Variants in INPP5F observed in about 807,000 individuals in gnomAD.
INPP5F encodes inositol polyphosphate-5-phosphatase F.
A neutral mutation model predicts 137.2 loss-of-function variants in INPP5F; 97 were observed. The observed-to-expected ratio is 0.71, with a 90% confidence interval of 0.60 to 0.84. The LOEUF is 0.84. INPP5F is among the 40% of genes least tolerant of loss of function. The probability of loss-of-function intolerance (pLI) is 0.00; values close to 1 mark genes in which losing one functional copy is unlikely to be tolerated. For synonymous variants in INPP5F, 504 were observed against 476.9 expected, an observed-to-expected ratio of 1.06 and a Z score of -0.74; for missense variants, 1,271 against 1,371.9, an observed-to-expected ratio of 0.93 and a Z score of 1.16.
At chr10:119,767,107 G>GAAAAAAAAAAAAAA (rs35875262) in intron 2 of INPP5F, among the ~76,000 whole-genome samples, 8 of 40,544 alleles carry the variant, frequency 2.0e-4, no homozygotes, top group East Asian at 9.8e-4. Flanking sequence ...TCTGTCTCCA[G>GAAAAAAAAAAAAAA]AAAAAAAAAA....
chr10:119,824,921 A>G (rs966341891), intron 19 of INPP5F, among the ~76,000 whole-genome samples: 2 of 152,234 alleles, frequency 1.3e-5, no homozygotes, highest in Admixed American at 1.3e-4. Flanking sequence ...TGTAGAATTC[A>G]TAACTACCAT....
rs975446881 is a variant in INPP5F at position 119,755,113 on chromosome 10, C to T, written c.178+3957C>T. Reference sequence around the variant, plus strand: ...AAAGTGGCGTGGGTGAGCAATGCCGCTGTTCCTGACTGTCACTGAACTCTG... The same window carrying T: ...AAAGTGGCGTGGGTGAGCAATGCCGTTGTTCCTGACTGTCACTGAACTCTG... On this transcript the variant is annotated intron_variant, in intron 2 of 19. Coordinates refer to ENST00000650623, the MANE Select transcript of INPP5F (RefSeq NM_014937.4). Among the ~76,000 whole-genome samples, 5 of 152,356 alleles carry T rather than the reference C, an allele frequency of 3.3e-5. No homozygotes were observed. The South Asian group carries it at 1.0e-3, about 32-fold the overall frequency.
intron 9 of INPP5F, among the ~76,000 whole-genome samples, chr10:119,799,724 A>G (rs947347533): frequency 2.6e-5 from 4 of 152,312 alleles, no homozygotes; most frequent in African/African-American, 9.6e-5. Flanking sequence ...TTAATTTTTG[A>G]TATCTATCCT....
Position 119,732,592 on chromosome 10 carries a change from C to T in INPP5F, c.97+6233C>T, listed in dbSNP as rs577234105. On this transcript the variant is annotated intron_variant, in intron 1 of 19. Coordinates refer to ENST00000650623, the MANE Select transcript of INPP5F (RefSeq NM_014937.4). ...TCGGCTCATTGCAACCTCTGCCTCC[C>T]GGGTTCAAGCAGTTCTCTCTGCCTC... Among the ~76,000 whole-genome samples, 21 of 148,094 alleles carry T rather than the reference C, an allele frequency of 1.4e-4. No individual in the cohort carries two copies. In the South Asian group the frequency reaches 2.8e-3, roughly 20 times the overall value.
At chr10:119,726,425 G>T in intron 1 of INPP5F, 66 bp downstream of exon 1, 3 of 985,908 alleles carry the variant, frequency 3.0e-6, no homozygotes, top group Non-Finnish European at 3.9e-6. Flanking sequence ...GGCGCGGCCG[G>T]ACCCCTCAGC....
intron 15 of INPP5F, chr10:119,819,237 TTTTTTTA>T (rs1851436741): frequency 2.4e-6 from 1 of 416,576 alleles, no homozygotes; most frequent in African/African-American, 2.6e-5. Flanking sequence ...TTTTTTTTTT[TTTTTTTA>T]AAGGGGAAGG....
chr10:119,778,075 C>T lies in INPP5F; in HGVS notation c.179-3560C>T, dbSNP rs912644778. On this transcript the variant is annotated intron_variant, in intron 2 of 19. Transcript: ENST00000650623. ...AGGCTGGAGTTCAGTGGTGCCGTCT[C>T]GGCTCACTGCAACCTCTGCCTCCCA... Among the ~76,000 whole-genome samples the T allele has an allele frequency of 5.3e-5, 8 of 152,034 alleles. No homozygotes were observed. In the East Asian group the frequency reaches 7.7e-4, roughly 15 times the overall value.
At chr10:119,823,624 A>C (rs1211784998) in intron 18 of INPP5F, among the ~76,000 whole-genome samples, 191 bp from the exon 19 acceptor site, 2 of 152,254 alleles carry the variant, frequency 1.3e-5, no homozygotes, top group Admixed American at 1.3e-4. Context: ...TTGTTCTTTT[A>C]AAATGTTAGA....
At chr10:119,791,697 TAG>T (rs545786957) in intron 4 of INPP5F, 52 bp downstream of exon 4, 1 of 1,491,866 alleles carries the variant, frequency 6.7e-7, no homozygotes, top group African/African-American at 1.4e-5. Flanking sequence ...TAGTTTTAAA[TAG>T]AGAGATAATT....
chr10:119,820,559 C>T (rs71482892), intron 15 of INPP5F, among the ~76,000 whole-genome samples: 8,303 of 152,212 alleles, frequency 0.055, 420 homozygotes, highest in South Asian at 0.27. Context: ...TACCACCAGT[C>T]CCCCACCTCA....
At chr10:119,758,384 G>T (rs2134137004) in intron 2 of INPP5F, among the ~76,000 whole-genome samples, 1 of 152,288 alleles carries the variant, frequency 6.6e-6, no homozygotes, top group African/African-American at 2.4e-5. Flanking sequence ...CCGGTTCTTG[G>T]CAGAGTACGC....
Position 119,791,429 on chromosome 10 carries a change from A to G in INPP5F, c.316-88A>G, listed in dbSNP as rs567962793. The G allele has an allele frequency of 1.2e-5, 12 of 994,478 alleles. No homozygotes were observed. The South Asian group carries it at 1.5e-4, about 13-fold the overall frequency. 61.6% of individuals were successfully genotyped at this position (994,478 alleles called of 1,614,324 possible). A position where few individuals can be genotyped will look rare whatever the true frequency, so the allele number is the denominator to read the frequency against. ...CTCTTGAAGTTTACTGTTAATCAGA[A>G]TGCCTGAGCAGTAGCATTCACTTTT... On this transcript the variant is annotated intron_variant, in intron 3 of 19. Transcript: ENST00000650623.
chr10:119,813,070 G>C (rs1332046131), intron 15 of INPP5F, among the ~76,000 whole-genome samples: 1 of 152,120 alleles, frequency 6.6e-6, no homozygotes, highest in East Asian at 1.9e-4. Context: ...AAGTGTTTTT[G>C]TGTCTACTTT....
chr10:119,731,940 A>G (rs540426127), intron 1 of INPP5F, among the ~76,000 whole-genome samples: 1 of 151,786 alleles, frequency 6.6e-6, no homozygotes, highest in Non-Finnish European at 1.5e-5. Context: ...ACATATTTGT[A>G]TGACTACGTT....
chr10:119,761,799 C>T (rs911237707), intron 2 of INPP5F, among the ~76,000 whole-genome samples: 4 of 152,092 alleles, frequency 2.6e-5, no homozygotes, highest in Admixed American at 2.6e-4. Context: ...ACACTTAGGA[C>T]TCAATTTACA....
chr10:119,794,172 G>A (rs1425675525), intron 6 of INPP5F, among the ~76,000 whole-genome samples: 7 of 151,810 alleles, frequency 4.6e-5, no homozygotes, highest in Non-Finnish European at 1.0e-4. Flanking sequence ...GCGGCCTTCC[G>A]CAGTGTTTGT....
intron 12 of INPP5F, among the ~76,000 whole-genome samples, chr10:119,807,423 T>C (rs1190964248): frequency 6.6e-6 from 1 of 152,242 alleles, no homozygotes; most frequent in Non-Finnish European, 1.5e-5. Flanking sequence ...GTTTTGACTC[T>C]GTACAAAGAA....
At chr10:119,816,259 C>G (rs911514493) in intron 15 of INPP5F, 6 of 152,252 alleles carry the variant, frequency 3.9e-5, no homozygotes, top group African/African-American at 1.4e-4. Context: ...CAAGTGTTTT[C>G]TTTTCTTCTA....
intron 3 of INPP5F, among the ~76,000 whole-genome samples, chr10:119,786,668 C>T (rs1379079029): frequency 6.6e-6 from 1 of 151,662 alleles, no homozygotes; most frequent in Non-Finnish European, 1.5e-5. Flanking sequence ...TGTGCCACCA[C>T]CCCCTGCTAA....
Sources: gnomAD v4.1 joint callset for allele counts (sites outside exome capture counted in the v4.1 genomes callset) on GRCh38, gnomAD v4.1.1 for gene constraint, MANE v1.5 for transcripts, NCBI Gene and HGNC (gene_info 2026-07-23, HGNC 2026-07-21) for gene names.